The following RPS23 variants were observed in gnomAD, a reference collection of about 807,000 sequenced individuals.
RPS23 encodes small ribosomal subunit protein uS12.
For synonymous variants in RPS23, 66 were observed against 60.4 expected (o/e 1.09, Z -0.43); for missense variants, 73 against 174.5 (o/e 0.42, Z 3.28).
chr5:82,277,978 T>A lies in RPS23; in HGVS notation c.5-126A>T, dbSNP rs972174389. The A allele has an allele frequency of 6.4e-5, 56 of 878,522 alleles. No individual in the cohort carries two copies. The East Asian group carries it at 1.4e-3, about 22-fold the overall frequency. The allele number at this position is 878,522 out of a possible 1,614,324, so 54.4% of individuals were successfully genotyped here. A position where few individuals can be genotyped will look rare whatever the true frequency, so the allele number is the denominator to read the frequency against. ...TTGGCTCTCGTACTATTTATTGGCC[T>A]GTGGGCCAAACATTTGGCCTTCAAG... On this transcript the variant is annotated intron_variant, in intron 1 of 3. Transcript: ENST00000296674.
intron 1 of RPS23, chr5:82,278,097 G>T: frequency 1.5e-6 from 1 of 670,610 alleles, no homozygotes; most frequent in Non-Finnish European, 2.6e-6. Flanking sequence ...GGGAGGAAGC[G>T]CTGGCCTCCC....
At chr5:82,277,619 CA>C in intron 2 of RPS23, 73 bp downstream of exon 2, 1 of 1,475,322 alleles carries the variant, frequency 6.8e-7, no homozygotes, top group Non-Finnish European at 9.5e-7. Context: ...CAATTACTTT[CA>C]AAACAAGAAT....
Position 82,274,970 on chromosome 5 carries a change from C to G in RPS23, c.*1139G>C, listed in dbSNP as rs879567521. On this transcript the variant is annotated 3_prime_UTR_variant, in exon 4 of 4. Transcript: ENST00000296674. ...GAGGTCCTGAGGCTGGATATGGAACCCAAGTTTGAGGATGACCAACTGAGA... is the reference window on the plus strand; with the variant it reads ...GAGGTCCTGAGGCTGGATATGGAACGCAAGTTTGAGGATGACCAACTGAGA... 2.1e-6 allele frequency: 1 copy of G among 480,602 alleles called. No individual in the cohort carries two copies. The highest frequency in any genetic ancestry group is 3.5e-5 in the Admixed American group (1 of 28,484). The allele number at this position is 480,602 out of a possible 1,614,324, so 29.8% of individuals were successfully genotyped here. A position where few individuals can be genotyped will look rare whatever the true frequency, so the allele number is the denominator to read the frequency against.
chr5:82,275,023 A>G lies in RPS23; in HGVS notation c.*1086T>C. 1 of 567,384 alleles carries G rather than the reference A, an allele frequency of 1.8e-6. No individual in the cohort carries two copies. The highest frequency in any genetic ancestry group is 3.1e-6 in the Non-Finnish European group (1 of 318,480). 35.1% of individuals were successfully genotyped at this position (567,384 alleles called of 1,614,324 possible). A position where few individuals can be genotyped will look rare whatever the true frequency, so the allele number is the denominator to read the frequency against. On this transcript the variant is annotated 3_prime_UTR_variant, in exon 4 of 4. Coordinates refer to ENST00000296674, the MANE Select transcript of RPS23 (RefSeq NM_001025.5). ...AGTGTTGCTGGAGCACAAAGTGCCA[A>G]GGAGAGAAATGGCAGGCTAAGGCTG... is the stretch of plus-strand genomic sequence containing the variant.
chr5:82,276,583 C>T, intron 2 of RPS23, 65 bp from the exon 3 acceptor site: 1 of 1,587,348 alleles, frequency 6.3e-7, no homozygotes, highest in South Asian at 1.1e-5. Flanking sequence ...TTCATATTAA[C>T]TAGAGAACTA....
chr5:82,276,281 C>G (rs1747772299), intron 3 of RPS23, 26 bp from the exon 4 acceptor site: 1 of 1,613,122 alleles, frequency 6.2e-7, no homozygotes, highest in South Asian at 1.1e-5. Context: ...AAGTTTATTT[C>G]TGGTGTTGGT....
intron 1 of RPS23, 121 bp from the exon 2 acceptor site, chr5:82,277,973 T>C: frequency 1.1e-6 from 1 of 920,778 alleles, no homozygotes; most frequent in Non-Finnish European, 1.6e-6. Context: ...TACTATTTAT[T>C]GGCCTGTGGG....
At position 82,277,680 on chromosome 5, in the gene RPS23, G is replaced by T; in HGVS notation, c.164+13C>A. ...TATAATAAACTAAAACTTGACGGGA[G>T]CAATGGACTTACACTTTTTCCAGCA... is the stretch of plus-strand genomic sequence containing the variant. On this transcript the variant is annotated intron_variant, in intron 2 of 3. Coordinates refer to ENST00000296674, the MANE Select transcript of RPS23 (RefSeq NM_001025.5). 1 of 1,612,856 alleles carries T rather than the reference G, an allele frequency of 6.2e-7. No individual in the cohort carries two copies. The highest frequency in any genetic ancestry group is 1.3e-5 in the African/African-American group (1 of 75,020).
Position 82,276,273 on chromosome 5 carries a change from G to A in RPS23, c.286-18C>T, listed in dbSNP as rs768905590. On this transcript the variant is annotated intron_variant, in intron 3 of 3. Transcript: ENST00000296674. ...TCATTTTCCTGGAATAAAATAAGAA[G>A]TTTATTTCTGGTGTTGGTGGCGATC... 1.1e-5 allele frequency: 18 copies of A among 1,613,370 alleles called. No individual in the cohort carries two copies. The African/African-American group carries it at 1.9e-4, about 17-fold the overall frequency.
At chr5:82,276,329 T>G (rs982940094) in intron 3 of RPS23, 69 bp downstream of exon 3, 9 of 1,612,444 alleles carry the variant, frequency 5.6e-6, no homozygotes, top group Non-Finnish European at 7.6e-6. Context: ...GGAAACTCCC[T>G]TGCATCAGAT....
At position 82,275,263 on chromosome 5, in the gene RPS23, C is replaced by T. The variant is rs2112045680; in HGVS notation, c.*846G>A. The T allele has an allele frequency of 1.4e-6, 1 of 702,610 alleles. No individual in the cohort carries two copies. 43.5% of individuals were successfully genotyped at this position (702,610 alleles called of 1,614,324 possible). A position where few individuals can be genotyped will look rare whatever the true frequency, so the allele number is the denominator to read the frequency against. ...ATTTAAAGCAGAAGGCTCACAGCTT[C>T]ATTTCAACCATGCCACTGTATCCAT... On this transcript the variant is annotated 3_prime_UTR_variant, in exon 4 of 4. Coordinates refer to ENST00000296674, the MANE Select transcript of RPS23 (RefSeq NM_001025.5).
At position 82,278,316 on chromosome 5, in the gene RPS23, T is replaced by C; in HGVS notation, c.4+4A>G. On this transcript the variant is annotated splice_donor_region_variant and intron_variant, in intron 1 of 3. Transcript: ENST00000296674. Reference sequence around the variant, plus strand: ...GCGCCCTTAAACCGGCCACAACAGCTCACCCATCCTGTCGGCGCCACGGGC... The same window carrying C: ...GCGCCCTTAAACCGGCCACAACAGCCCACCCATCCTGTCGGCGCCACGGGC... 1.2e-6 allele frequency: 2 copies of C among 1,607,966 alleles called. No homozygotes were observed. The highest frequency in any genetic ancestry group is 8.5e-7 in the Non-Finnish European group (1 of 1,178,108).
At chr5:82,277,991 T>A in intron 1 of RPS23, 139 bp from the exon 2 acceptor site, 1 of 812,142 alleles carries the variant, frequency 1.2e-6, no homozygotes, top group Non-Finnish European at 1.9e-6. Context: ...GGGCCAAACA[T>A]TTGGCCTTCA....
At position 82,275,822 on chromosome 5, in the gene RPS23, A is replaced by G. The variant is rs1747761233; in HGVS notation, c.*287T>C. On this transcript the variant is annotated 3_prime_UTR_variant, in exon 4 of 4. Transcript: ENST00000296674. The stretch of plus-strand genomic sequence containing the variant: ...CTTAAAGTTCTTAAAGTAATACTAC[A>G]ATACTGCACATTTATTCCAGATCTA... The G allele has an allele frequency of 5.2e-6, 2 of 385,004 alleles. No homozygotes were observed. The highest frequency in any genetic ancestry group is 8.4e-5 in the Admixed American group (2 of 23,776). 23.8% of individuals were successfully genotyped at this position (385,004 alleles called of 1,614,324 possible). A position where few individuals can be genotyped will look rare whatever the true frequency, so the allele number is the denominator to read the frequency against.
At position 82,277,885 on chromosome 5, in the gene RPS23, A is replaced by C. The variant is rs771956101; in HGVS notation, c.5-33T>G. 15 of 1,597,714 alleles carry C rather than the reference A, an allele frequency of 9.4e-6. No homozygotes were observed. The South Asian group carries it at 1.7e-4, about 18-fold the overall frequency. ...TTAAATATTTTAGTTCTTCCGTAAA[A>C]ACACGCCATCTACGTGTTTCCCATC... is the stretch of plus-strand genomic sequence containing the variant. On this transcript the variant is annotated intron_variant, in intron 1 of 3. Transcript: ENST00000296674.
In RPS23 at chr5:82,275,117, C is replaced by T. The variant is rs572244093; in HGVS notation, c.*992G>A. ...GTGAAAGGTTCTGCTCTTGATCCTA[C>T]GGAAAGTGGGCAACCAAACCAATTG... On this transcript the variant is annotated 3_prime_UTR_variant, in exon 4 of 4. Transcript: ENST00000296674. The T allele has an allele frequency of 7.8e-5, 52 of 664,258 alleles. 1 individual carries two copies. Among genetic ancestry groups the T allele is most frequent in the South Asian group, 5.1e-4 (31 of 60,274 alleles). 41.1% of individuals were successfully genotyped at this position (664,258 alleles called of 1,614,324 possible).
At position 82,274,892 on chromosome 5, in the gene RPS23, C is replaced by G; in HGVS notation, c.*1217G>C. The stretch of plus-strand genomic sequence containing the variant: ...AAACCGAAGTGTGCTGGAAAACACA[C>G]GAGCTCTTTAGTAAGAGCAGGCGAC... On this transcript the variant is annotated 3_prime_UTR_variant, in exon 4 of 4. Coordinates refer to ENST00000296674, the MANE Select transcript of RPS23 (RefSeq NM_001025.5). 1 of 288,264 alleles carries G rather than the reference C, an allele frequency of 3.5e-6. No homozygotes were observed. Among genetic ancestry groups the G allele is most frequent in the Non-Finnish European group, 6.6e-6 (1 of 152,484 alleles). The allele number at this position is 288,264 out of a possible 1,614,324, so 17.9% of individuals were successfully genotyped here. A position where few individuals can be genotyped will look rare whatever the true frequency, so the allele number is the denominator to read the frequency against.
At chr5:82,278,027 G>T (rs1561391676) in intron 1 of RPS23, 175 bp from the exon 2 acceptor site, 11 of 664,784 alleles carry the variant, frequency 1.7e-5, no homozygotes, top group Middle Eastern at 7.5e-4. Context: ...ACTAATAAAC[G>T]TTCGAAGAGG....
chr5:82,276,630 A>G, intron 2 of RPS23, 112 bp from the exon 3 acceptor site: 2 of 1,375,620 alleles, frequency 1.5e-6, no homozygotes, highest in Non-Finnish European at 2.0e-6. Flanking sequence ...TCTAACCTCA[A>G]ATGGCTGAGC....
Sources: allele counts gnomAD v4.1 joint callset, GRCh38; gene constraint gnomAD v4.1.1; transcripts MANE v1.5; gene names NCBI Gene and HGNC (gene_info 2026-07-23, HGNC 2026-07-21).